Variants in PABPC1L observed in about 807,000 individuals in gnomAD.
The protein encoded by PABPC1L is poly(A) binding protein cytoplasmic 1 like.
Under a neutral mutation model 66.6 loss-of-function variants are expected in PABPC1L, and 31 were observed. The observed-to-expected ratio is 0.47, with a 90% CI of 0.35 to 0.63. The LOEUF (loss-of-function observed/expected upper bound fraction) is 0.63. Ranked by LOEUF, PABPC1L falls within the 20% of genes least tolerant of loss-of-function variation. The pLI, the probability that PABPC1L is intolerant of heterozygous loss-of-function variation, is 0.00. For synonymous variants in PABPC1L, 348 were observed against 335.1 expected, an observed-to-expected ratio of 1.04 and a Z score of -0.42; for missense variants, 722 against 848.8, an observed-to-expected ratio of 0.85 and a Z score of 1.86.
intron 7 of PABPC1L, among the ~76,000 whole-genome samples, chr20:44,927,242 ATACTT>A (rs1345158953): frequency 1.3e-5 from 2 of 152,126 alleles, no homozygotes; most frequent in Non-Finnish European, 1.5e-5. Context: ...ATGGATATAA[ATACTT>A]ATACCACTAT....
Position 44,916,745 on chromosome 20 carries a change from C to T in PABPC1L, c.388-11C>T. ...TCAGTACTCTTCCTGTCCTTCCTCCCTGTGGCCCAGGTGGCGTGTGACGAG... is the reference window on the plus strand; with the variant it reads ...TCAGTACTCTTCCTGTCCTTCCTCCTTGTGGCCCAGGTGGCGTGTGACGAG... On this transcript the variant is annotated splice_polypyrimidine_tract_variant and intron_variant, in intron 2 of 14. Transcript: ENST00000217073. The T allele has an allele frequency of 1.9e-6, 3 of 1,613,880 alleles. No individual in the cohort carries two copies. Among genetic ancestry groups the T allele is most frequent in the Non-Finnish European group, 2.5e-6 (3 of 1,179,724 alleles).
rs977766677 is a variant in PABPC1L, at chr20:44,932,322, G to T, written c.1240-20G>T. On this transcript the variant is annotated intron_variant, in intron 8 of 14. Transcript: ENST00000217073. ...CCCTGCCGCCAAGCCCCTCAGTCTG[G>T]GTCTTCTTTTCCCATGCAGCCTCCA... 1.3e-6 allele frequency: 2 copies of T among 1,589,702 alleles called. No individual in the cohort carries two copies. The highest frequency in any genetic ancestry group is 2.2e-5 in the South Asian group (2 of 89,456).
At chr20:44,930,123 A>T (rs761768555) in intron 7 of PABPC1L, among the ~76,000 whole-genome samples, 5 of 152,182 alleles carry the variant, frequency 3.3e-5, no homozygotes, top group Non-Finnish European at 7.3e-5. Flanking sequence ...GTGTGAAGAC[A>T]TGTAAAGTAT....
In PABPC1L at chr20:44,912,807, C is replaced by T. The variant is rs2066714233; in HGVS notation, c.341C>T (p.Ala114Val). 1.9e-6 allele frequency: 3 copies of T among 1,614,042 alleles called. No homozygotes were observed. The highest frequency in any genetic ancestry group is 1.7e-5 in the Admixed American group (1 of 60,006). The stretch of plus-strand genomic sequence containing the variant: ...CTGGAGGACTCCATTGACAACAAGG[C>T]TTTATATGATACCTTCTCCACCTTT... ...KNLEDSIDNK[A>V]LYDTFSTFGN... The change falls in exon 2 of 15, where the codon GCT becomes GTT. Residue 114 changes from alanine to valine, a missense_variant. Coordinates refer to ENST00000217073, the MANE Select transcript of PABPC1L (RefSeq NM_001372179.1).
chr20:44,921,090 A>G (rs1265010503), intron 5 of PABPC1L, among the ~76,000 whole-genome samples: 1 of 151,456 alleles, frequency 6.6e-6, no homozygotes, highest in Non-Finnish European at 1.5e-5. Flanking sequence ...TGTAATTACC[A>G]GGTGTGAGCC....
chr20:44,936,699 G>A lies in PABPC1L; in HGVS notation c.1629G>A (p.Ala543=), dbSNP rs376937531. 46 of 1,608,418 alleles carry A rather than the reference G, an allele frequency of 2.9e-5. No homozygotes were observed. The African/African-American group carries it at 3.7e-4, about 13-fold the overall frequency. ...QEPLTASMLA[A]APLHEQKQMI... is the part of the protein sequence containing the mutation. The stretch of plus-strand genomic sequence containing the variant: ...CCCTGACCGCGTCCATGCTGGCTGC[G>A]GCGCCCCTGCATGAGCAAAAGCAGA... Residue 543 remains alanine, a synonymous_variant, in exon 12 of 15, where the codon GCG becomes GCA. Coordinates refer to ENST00000217073, the MANE Select transcript of PABPC1L (RefSeq NM_001372179.1).
At chr20:44,936,508 T>TCATC in intron 11 of PABPC1L, 129 bp from the exon 12 acceptor site, 1 of 699,350 alleles carries the variant, frequency 1.4e-6, no homozygotes, top group South Asian at 2.0e-5. Context: ...CCCCACCTGA[T>TCATC]CATCCAGACC....
At position 44,932,370 on chromosome 20, in the gene PABPC1L, G is replaced by A. The variant is rs2066867089; in HGVS notation, c.1268G>A (p.Cys423Tyr). 2 of 1,613,734 alleles carry A rather than the reference G, an allele frequency of 1.2e-6. No individual in the cohort carries two copies. Among genetic ancestry groups the A allele is most frequent in the Non-Finnish European group, 1.7e-6 (2 of 1,179,770 alleles). The change falls in exon 9 of 15, where the codon TGT becomes TAT. Residue 423 changes from cysteine (C) to tyrosine (Y), a missense_variant. Physicochemically the swap from Cys to Tyr is radical, Grantham distance 194 (BLOSUM62 -2). Coordinates refer to ENST00000217073, the MANE Select transcript of PABPC1L (RefSeq NM_001372179.1). ...CCAGCCCAGGCTGCATACTATGGCTGTGGCCCAGTGACACCCACCCAGCCT... is the reference window on the plus strand; with the variant it reads ...CCAGCCCAGGCTGCATACTATGGCTATGGCCCAGTGACACCCACCCAGCCT... ...QPPAQAAYYGCGPVTPTQPAP... is the reference protein window; with the variant it reads ...QPPAQAAYYGYGPVTPTQPAP...
intron 8 of PABPC1L, 135 bp downstream of exon 8, chr20:44,930,861 C>A: frequency 2.4e-6 from 3 of 1,227,906 alleles, no homozygotes; most frequent in Non-Finnish European, 3.4e-6. Context: ...GTCTTTGTTT[C>A]CCTCTCTATA....
chr20:44,919,385 C>G (rs1183497638), intron 5 of PABPC1L, 108 bp downstream of exon 5: 2 of 1,247,622 alleles, frequency 1.6e-6, no homozygotes, highest in Non-Finnish European at 2.3e-6. Context: ...CCGGCCTAAG[C>G]CAAGAGGGTG....
At position 44,930,633 on chromosome 20, in the gene PABPC1L, C is replaced by T. The variant is rs370421458; in HGVS notation, c.1146C>T (p.Tyr382=). 6.2e-7 allele frequency: 1 copy of T among 1,614,250 alleles called. No individual in the cohort carries two copies. Among genetic ancestry groups the T allele is most frequent in the Non-Finnish European group, 8.5e-7 (1 of 1,180,056 alleles). The part of the protein sequence containing the change: ...EERKAILTNQ[Y]MQRLSTMRTL... ...GGAAGGCCATCTTGACCAACCAGTA[C>T]ATGCAGCGCCTCTCCACCATGCGGA... The change falls in exon 8 of 15, where the codon TAC becomes TAT. Residue 382 remains tyrosine (Y), a synonymous_variant. Coordinates refer to ENST00000217073, the MANE Select transcript of PABPC1L (RefSeq NM_001372179.1).
intron 2 of PABPC1L, among the ~76,000 whole-genome samples, chr20:44,915,915 G>A (rs1194643218): frequency 1.3e-5 from 2 of 152,000 alleles, no homozygotes; most frequent in African/African-American, 4.8e-5. Context: ...ATTTCTTTCA[G>A]CCCTAGTCCC....
At chr20:44,918,800 G>C (rs1371314607) in intron 3 of PABPC1L, 106 bp from the exon 4 acceptor site, 2 of 1,366,428 alleles carry the variant, frequency 1.5e-6, no homozygotes, top group Non-Finnish European at 2.0e-6. Context: ...TCCTGATGAG[G>C]GATATGTAAG....
chr20:44,926,410 A>G (rs1211536917), intron 7 of PABPC1L, among the ~76,000 whole-genome samples: 1 of 151,518 alleles, frequency 6.6e-6, no homozygotes, highest in Non-Finnish European at 1.5e-5. Context: ...TATTTTTAGT[A>G]GAGACGGGGT....
At chr20:44,938,851 C>A in intron 14 of PABPC1L, 103 bp downstream of exon 14, 1 of 1,180,492 alleles carries the variant, frequency 8.5e-7, no homozygotes, top group East Asian at 2.6e-5. Flanking sequence ...GTGTTCCTGG[C>A]TTTCTCTGAA....
At chr20:44,924,741 C>T (rs1203637122) in intron 7 of PABPC1L, among the ~76,000 whole-genome samples, 1 of 152,198 alleles carries the variant, frequency 6.6e-6, no homozygotes, top group Admixed American at 6.5e-5. Flanking sequence ...GGCCCATCAG[C>T]AGCTCTATGA....
intron 2 of PABPC1L, among the ~76,000 whole-genome samples, chr20:44,914,267 C>T (rs549391929): frequency 2.2e-5 from 3 of 137,908 alleles, no homozygotes; most frequent in East Asian, 2.1e-4. Flanking sequence ...AGTGCAGTGG[C>T]GCGATCTCAG....
At position 44,935,484 on chromosome 20, in the gene PABPC1L, A is replaced by G. The variant is rs898090338; in HGVS notation, c.1553A>G (p.His518Arg). The change falls in exon 11 of 15, where the codon CAT becomes CGT. Residue 518 changes from histidine (H) to arginine (R), a missense_variant. His to Arg is a conservative substitution (Grantham distance 29). This residue lies in a region of PABPC1L where 301 missense variants were observed against 337.2 expected (regional missense o/e 0.89). Transcript: ENST00000217073. ...LLPCKCSSAAHSTYRVQEPAV... is the reference protein window; with the variant it reads ...LLPCKCSSAARSTYRVQEPAV... ...CCGTGCAAATGTTCCTCAGCAGCAC[A>G]TAGCACCTATCGGGTAAGGCCAGCC... 26 of 1,614,060 alleles carry G rather than the reference A, an allele frequency of 1.6e-5. No individual in the cohort carries two copies. The highest frequency in any genetic ancestry group is 2.2e-5 in the Non-Finnish European group (26 of 1,180,044).
intron 7 of PABPC1L, among the ~76,000 whole-genome samples, chr20:44,928,864 CAAAAAA>C (rs10597679): frequency 3.7e-5 from 2 of 54,340 alleles, no homozygotes; most frequent in Admixed American, 5.7e-4. Flanking sequence ...GATCCTGACT[CAAAAAA>C]AAAAAAAAAA....
Sources: allele counts gnomAD v4.1 joint callset (sites outside exome capture counted in the v4.1 genomes callset), GRCh38; gene constraint gnomAD v4.1.1; regional missense constraint gnomAD v4.1.1; transcripts MANE v1.5; gene names NCBI Gene and HGNC (gene_info 2026-07-23, HGNC 2026-07-21).